Variants in RTL9 observed in about 807,000 individuals in gnomAD.
RTL9 encodes retrotransposon Gag like 9.
In RTL9, 19 loss-of-function variants were observed where a neutral mutation model predicts 44.7. The observed-to-expected ratio is 0.42, with a 90% CI of 0.30 to 0.62. RTL9 has a LOEUF of 0.62. Among genes scored for constraint, RTL9 ranks in the 20% least tolerant of loss-of-function variants. The pLI is 0.16. For synonymous variants in RTL9, 407 were observed against 398.9 expected, an observed-to-expected ratio of 1.02 and a Z score of -0.24; for missense variants, 1,105 against 1,080.6, an observed-to-expected ratio of 1.02 and a Z score of -0.32.
At chrX:110,415,125 G>T (rs1480984951), upstream of RTL9, among the ~76,000 whole-genome samples, 1 of 112,110 alleles carries the variant, frequency 8.9e-6, no homozygotes, top group Non-Finnish European at 1.9e-5. Context: ...CTTGAGAACT[G>T]GGATTGTGCC....
chrX:110,415,538 G>A (rs2068671335), upstream of RTL9, among the ~76,000 whole-genome samples: 1 of 111,695 alleles, frequency 9.0e-6, no homozygotes, highest in African/African-American at 3.3e-5. Context: ...CAACCAATAT[G>A]TATTGATGCC....
Sources: allele counts gnomAD v4.1 joint callset (sites outside exome capture counted in the v4.1 genomes callset), GRCh38; gene constraint gnomAD v4.1.1; transcripts MANE v1.5; gene names NCBI Gene and HGNC (gene_info 2026-07-23, HGNC 2026-07-21).